Variants in SH3PXD2A observed in about 807,000 individuals in gnomAD.
SH3PXD2A encodes SH3 and PX domains 2A.
In SH3PXD2A, 32 loss-of-function variants were observed where a neutral mutation model predicts 115.2. That is an observed-to-expected ratio of 0.28 (90% CI 0.21 to 0.37). The LOEUF is 0.37. Among genes scored for constraint, SH3PXD2A ranks in the 10% least tolerant of loss-of-function variants. The probability of loss-of-function intolerance (pLI) is 1.00; values close to 1 mark genes in which losing one functional copy is unlikely to be tolerated. For missense variants in SH3PXD2A, 1,328 were observed against 1,498.7 expected (o/e 0.89, Z 1.88); for synonymous variants, 610 against 629.1 (o/e 0.97, Z 0.45).
intron 5 of SH3PXD2A, among the ~76,000 whole-genome samples, chr10:103,710,094 C>CAAAAAAAAA (rs143663780): frequency 8.1e-6 from 1 of 123,068 alleles, no homozygotes; most frequent in African/African-American, 3.1e-5. Context: ...GACTCCATCT[C>CAAAAAAAAA]AAAAAAAAAA....
At chr10:103,707,795 C>A (rs2037998953) in intron 5 of SH3PXD2A, among the ~76,000 whole-genome samples, 1 of 152,156 alleles carries the variant, frequency 6.6e-6, no homozygotes, top group South Asian at 2.1e-4. Flanking sequence ...TGGGATTTGA[C>A]TCCAGTGCCA....
In SH3PXD2A at chr10:103,602,002, G is replaced by T; in HGVS notation, c.3216C>A (p.Asn1072Lys). 6.2e-7 allele frequency: 1 copy of T among 1,613,910 alleles called. No homozygotes were observed. The highest frequency in any genetic ancestry group is 1.1e-5 in the South Asian group (1 of 91,028). Residue 1072 changes from asparagine to lysine, a missense_variant, in exon 15 of 15, where the codon AAC (asparagine) becomes AAA (lysine). Around this residue, in one of 5 missense-constraint regions of SH3PXD2A, gnomAD observed 574 missense variants for 565.7 expected, o/e 1.01. Coordinates refer to ENST00000369774, the MANE Select transcript of SH3PXD2A (RefSeq NM_001394015.1). ...PIEKSQFIHN[N>K]LKDVYVSIAD... The stretch of plus-strand genomic sequence containing the variant: ...CGATAGAGACGTACACATCTTTGAG[G>T]TTATTGTGGATGAACTGAGACTTCT...
At chr10:103,747,421 T>C (rs1004226344) in intron 3 of SH3PXD2A, among the ~76,000 whole-genome samples, 4 of 152,140 alleles carry the variant, frequency 2.6e-5, no homozygotes, top group African/African-American at 9.7e-5. Context: ...CTGTGCAGCC[T>C]CGGCTCCTCC....
At chr10:103,616,123 T>A (rs1244871008) in intron 11 of SH3PXD2A, among the ~76,000 whole-genome samples, 1 of 152,140 alleles carries the variant, frequency 6.6e-6, no homozygotes. Flanking sequence ...ATATGGCCAG[T>A]GACCTCAGCA....
chr10:103,755,165 C>T (rs947672796), intron 3 of SH3PXD2A: 20 of 152,210 alleles, frequency 1.3e-4, no homozygotes, highest in Admixed American at 5.2e-4. Flanking sequence ...GAGAAGAGAC[C>T]TCACTCTTGG....
intron 8 of SH3PXD2A, among the ~76,000 whole-genome samples, chr10:103,657,516 G>T (rs1256257088): frequency 1.3e-5 from 2 of 152,202 alleles, no homozygotes; most frequent in Admixed American, 1.3e-4. Flanking sequence ...GGTATGGCTT[G>T]CTGGGTGGCA....
intron 3 of SH3PXD2A, among the ~76,000 whole-genome samples, chr10:103,764,467 C>T (rs746660698): frequency 2.0e-5 from 3 of 151,546 alleles, no homozygotes; most frequent in Non-Finnish European, 4.4e-5. Context: ...AGGGTGGGGG[C>T]GAGTCAACCT....
chr10:103,777,559 A>C (rs1235324485), intron 2 of SH3PXD2A, among the ~76,000 whole-genome samples: 1 of 152,254 alleles, frequency 6.6e-6, no homozygotes, highest in Non-Finnish European at 1.5e-5. Context: ...CTGCAGTGAG[A>C]TATACACAGG....
intron 1 of SH3PXD2A, among the ~76,000 whole-genome samples, chr10:103,848,722 C>A (rs74157361): frequency 0.081 from 12,385 of 152,150 alleles, 687 homozygotes; most frequent in African/African-American, 0.16. Flanking sequence ...AATTACACCT[C>A]AAGGTCCATC....
chr10:103,748,582 T>C (rs1589439585), intron 3 of SH3PXD2A, among the ~76,000 whole-genome samples: 1 of 152,128 alleles, frequency 6.6e-6, no homozygotes, highest in South Asian at 2.1e-4. Flanking sequence ...GTGTTGGCTG[T>C]CATAGGCACA....
chr10:103,643,907 C>G (rs1175859009), intron 8 of SH3PXD2A, among the ~76,000 whole-genome samples: 1 of 150,494 alleles, frequency 6.6e-6, no homozygotes, highest in Non-Finnish European at 1.5e-5. Flanking sequence ...GTCAGGAGAT[C>G]GAGACTATCC....
At chr10:103,758,000 C>G (rs921853342) in intron 3 of SH3PXD2A, among the ~76,000 whole-genome samples, 5 of 152,198 alleles carry the variant, frequency 3.3e-5, no homozygotes, top group African/African-American at 4.8e-5. Flanking sequence ...GGCACCAGTC[C>G]TCTCCCGTTG....
At chr10:103,732,368 T>C (rs1297440433) in intron 4 of SH3PXD2A, among the ~76,000 whole-genome samples, 1 of 152,208 alleles carries the variant, frequency 6.6e-6, no homozygotes, top group Admixed American at 6.5e-5. Flanking sequence ...TTTAAATTAA[T>C]TTATAAAGTT....
At chr10:103,766,796 A>C (rs2038759466) in intron 3 of SH3PXD2A, among the ~76,000 whole-genome samples, 1 of 152,094 alleles carries the variant, frequency 6.6e-6, no homozygotes, top group African/African-American at 2.4e-5. Context: ...CATTCATAGA[A>C]CTTGGTCTCT....
rs1168906589 is a variant in SH3PXD2A, at chr10:103,602,851, A to G, written c.2367T>C (p.Arg789=). 2 of 1,614,108 alleles carry G rather than the reference A, an allele frequency of 1.2e-6. No individual in the cohort carries two copies. The highest frequency in any genetic ancestry group is 1.7e-6 in the Non-Finnish European group (2 of 1,179,998). ...RRQLRPTGQL[R]GGLKGSKSED... Reference sequence around the variant, plus strand: ...CACTCTTGGAGCCCTTGAGCCCTCCACGGAGCTGGCCTGTGGGTCTCAGCT... The same window carrying G: ...CACTCTTGGAGCCCTTGAGCCCTCCGCGGAGCTGGCCTGTGGGTCTCAGCT... Residue 789 remains arginine, a synonymous_variant, in exon 15 of 15, where the codon CGT becomes CGC. Coordinates refer to ENST00000369774, the MANE Select transcript of SH3PXD2A (RefSeq NM_001394015.1).
chr10:103,602,751 T>A lies in SH3PXD2A; in HGVS notation c.2467A>T (p.Ile823Phe). The change falls in exon 15 of 15, where the codon ATC (isoleucine) becomes TTC (phenylalanine). Residue 823 changes from isoleucine (I) to phenylalanine (F), a missense_variant. Around this residue, in one of 5 missense-constraint regions of SH3PXD2A, gnomAD observed 574 missense variants for 565.7 expected, o/e 1.01. Coordinates refer to ENST00000369774, the MANE Select transcript of SH3PXD2A (RefSeq NM_001394015.1). ...EGSRRSSSDLITLPATTPPCP... is the reference protein window; with the variant it reads ...EGSRRSSSDLFTLPATTPPCP... The stretch of plus-strand genomic sequence containing the variant: ...GGGGGAGTGGTGGCTGGGAGGGTGA[T>A]GAGGTCGGATGAGCTTCTCCTAGAC... 1 of 1,613,992 alleles carries A rather than the reference T, an allele frequency of 6.2e-7. No individual in the cohort carries two copies. The highest frequency in any genetic ancestry group is 8.5e-7 in the Non-Finnish European group (1 of 1,179,950).
intron 8 of SH3PXD2A, among the ~76,000 whole-genome samples, chr10:103,650,211 G>C (rs1292386334): frequency 2.0e-5 from 3 of 151,524 alleles, no homozygotes; most frequent in Non-Finnish European, 4.4e-5. Flanking sequence ...CAGCTGGAGA[G>C]CCCTGCTCCC....
chr10:103,613,368 AG>A (rs1357114280), intron 11 of SH3PXD2A, among the ~76,000 whole-genome samples, 178 bp from the exon 12 acceptor site: 1 of 152,208 alleles, frequency 6.6e-6, no homozygotes, highest in African/African-American at 2.4e-5. Context: ...AAAGACACCC[AG>A]AACACCAATT....
At chr10:103,704,475 G>T (rs1167656233) in intron 5 of SH3PXD2A, among the ~76,000 whole-genome samples, 1 of 152,220 alleles carries the variant, frequency 6.6e-6, no homozygotes, top group Non-Finnish European at 1.5e-5. Flanking sequence ...CCATCTGAAT[G>T]ACTGTTATCA....
Sources: gnomAD v4.1 joint callset for allele counts (sites outside exome capture counted in the v4.1 genomes callset) on GRCh38, gnomAD v4.1.1 for gene constraint, gnomAD v4.1.1 regional missense constraint, MANE v1.5 for transcripts, NCBI Gene and HGNC (gene_info 2026-07-23, HGNC 2026-07-21) for gene names.